Variants in SLC1A1 observed in about 807,000 individuals in gnomAD.
SLC1A1 encodes the protein solute carrier family 1 member 1, also known as excitatory amino acid transporter 3.
Under a neutral mutation model 53.3 loss-of-function variants are expected in SLC1A1, and 43 were observed. That is an observed-to-expected ratio of 0.81 (90% CI 0.63 to 1.04). The LOEUF is 1.04. Ranked by LOEUF, SLC1A1 falls within the 50% of genes least tolerant of loss-of-function variation. The pLI is 0.00. For synonymous variants in SLC1A1, 307 were observed against 243.2 expected, an observed-to-expected ratio of 1.26 and a Z score of -2.44; for missense variants, 748 against 664.9, an observed-to-expected ratio of 1.12 and a Z score of -1.37.
chr9:4,582,531 C>A (rs1032627779), intron 10 of SLC1A1, among the ~76,000 whole-genome samples: 6 of 152,216 alleles, frequency 3.9e-5, no homozygotes, highest in Admixed American at 3.9e-4. Flanking sequence ...CTACAACTAT[C>A]CTTCTGTCCA....
chr9:4,549,794 C>A lies in SLC1A1; in HGVS notation c.232+5087C>A, dbSNP rs186454008. ...CATAGACTCCATACCATAGTACCTG[C>A]TGGGTTATTGCAACCACCCTGCTTG... On this transcript the variant is annotated intron_variant, in intron 2 of 11. Transcript: ENST00000262352. The surrounding 1 kb of genome is among the most constrained non-coding windows in gnomAD (Gnocchi z 4.1). 1.2e-4 allele frequency among the ~76,000 whole-genome samples: 18 copies of A among 152,246 alleles called. No individual in the cohort carries two copies. The highest frequency in any genetic ancestry group is 2.5e-4 in the Non-Finnish European group (17 of 67,996).
intron 1 of SLC1A1, among the ~76,000 whole-genome samples, chr9:4,511,483 A>T (rs1053615113): frequency 6.6e-6 from 1 of 151,922 alleles, no homozygotes; most frequent in African/African-American, 2.4e-5. Context: ...CAAAATATGA[A>T]TTTGAAGGAG....
chr9:4,501,775 C>CAAAAA (rs1231706650), intron 1 of SLC1A1, among the ~76,000 whole-genome samples: 1 of 150,850 alleles, frequency 6.6e-6, no homozygotes, highest in Non-Finnish European at 1.5e-5. Context: ...CAAAACAAAA[C>CAAAAA]AAAACAAAAC....
chr9:4,529,323 C>T (rs574962354), intron 1 of SLC1A1, among the ~76,000 whole-genome samples: 4 of 152,198 alleles, frequency 2.6e-5, no homozygotes, highest in Admixed American at 6.5e-5. Context: ...ATGGGCCACA[C>T]TGAATTGCTT....
At chr9:4,564,480 G>A (rs897250865) in intron 4 of SLC1A1, 22 bp downstream of exon 4, 2 of 1,435,052 alleles carry the variant, frequency 1.4e-6, no homozygotes, top group African/African-American at 1.4e-5. Flanking sequence ...GCCACAAGGT[G>A]GCTTCAAGGG....
intron 10 of SLC1A1, among the ~76,000 whole-genome samples, chr9:4,581,617 T>C: frequency 6.6e-6 from 1 of 152,330 alleles, no homozygotes. Flanking sequence ...AACCTGTTGA[T>C]GCATTCCATT....
chr9:4,497,111 A>C (rs1820456414), intron 1 of SLC1A1, among the ~76,000 whole-genome samples: 1 of 151,912 alleles, frequency 6.6e-6, no homozygotes, highest in Admixed American at 6.6e-5. Flanking sequence ...ATTACCACAA[A>C]CCGGGTGGTT....
chr9:4,505,875 G>C (rs1447752150), intron 1 of SLC1A1, among the ~76,000 whole-genome samples: 2 of 152,146 alleles, frequency 1.3e-5, no homozygotes, highest in Non-Finnish European at 2.9e-5. Flanking sequence ...CCAGAATGGA[G>C]TGCAGTGGCA....
At chr9:4,559,718 T>A (rs147369676) in intron 2 of SLC1A1, 2 of 152,310 alleles carry the variant, frequency 1.3e-5, no homozygotes, top group Non-Finnish European at 2.9e-5. Flanking sequence ...GGACAACTCA[T>A]GCGTGTTGAA....
At chr9:4,532,587 T>C (rs1470961457) in intron 1 of SLC1A1, among the ~76,000 whole-genome samples, 1 of 152,170 alleles carries the variant, frequency 6.6e-6, no homozygotes, top group Non-Finnish European at 1.5e-5. Context: ...CTACATCTGA[T>C]TGTTGTACCT....
At position 4,566,042 on chromosome 9, in the gene SLC1A1, A is replaced by G; in HGVS notation, c.441-5A>G. The G allele has an allele frequency of 6.2e-7, 1 of 1,612,050 alleles. No individual in the cohort carries two copies. The highest frequency in any genetic ancestry group is 1.1e-5 in the South Asian group (1 of 91,034). On this transcript the variant is annotated splice_polypyrimidine_tract_variant and splice_region_variant and intron_variant, in intron 4 of 11. Transcript: ENST00000262352. ...ACATAATACTGCCTTTTATGTCTCC[A>G]ACAGGAATATGTTCCCTGAGAATCT...
rs777004829 is a variant in SLC1A1, at chr9:4,577,358, C to T, written c.1193+595C>T. Reference sequence around the variant, plus strand: ...ATGGCTGGCATAAAGGATACATAAACATTCCTTTATGTTTAAACGAATGAG... The same window carrying T: ...ATGGCTGGCATAAAGGATACATAAATATTCCTTTATGTTTAAACGAATGAG... On this transcript the variant is annotated intron_variant, in intron 10 of 11. Transcript: ENST00000262352. Among the ~76,000 whole-genome samples, 9 of 152,220 alleles carry T rather than the reference C, an allele frequency of 5.9e-5. 1 individual carries two copies. In the South Asian group the frequency reaches 8.3e-4, roughly 14 times the overall value.
chr9:4,577,961 G>T (rs916536229), intron 10 of SLC1A1, among the ~76,000 whole-genome samples: 13 of 152,210 alleles, frequency 8.5e-5, no homozygotes, highest in African/African-American at 2.9e-4. Context: ...GGTGAAAGGC[G>T]AGGGAATGCC....
intron 2 of SLC1A1, chr9:4,553,970 A>G (rs1486101231): frequency 6.6e-6 from 1 of 152,194 alleles, no homozygotes; most frequent in Non-Finnish European, 1.5e-5. Flanking sequence ...TGGATTAACA[A>G]AGTAAGATCA....
chr9:4,552,619 G>A (rs775703047), intron 2 of SLC1A1, among the ~76,000 whole-genome samples: 1 of 151,976 alleles, frequency 6.6e-6, no homozygotes, highest in Non-Finnish European at 1.5e-5. Context: ...CTCTACAGAG[G>A]GACACCTGAA....
chr9:4,517,157 C>T (rs889380185), intron 1 of SLC1A1, among the ~76,000 whole-genome samples: 1 of 152,140 alleles, frequency 6.6e-6, no homozygotes, highest in Non-Finnish European at 1.5e-5. Context: ...ATTTCTTCTT[C>T]CCCTGCCCCT....
At chr9:4,501,458 A>C (rs1425783176) in intron 1 of SLC1A1, among the ~76,000 whole-genome samples, 1 of 151,668 alleles carries the variant, frequency 6.6e-6, no homozygotes, top group East Asian at 1.9e-4. Flanking sequence ...TAACACTTCC[A>C]GATGTAGTTA....
intron 7 of SLC1A1, among the ~76,000 whole-genome samples, chr9:4,572,612 A>G (rs1820162991): frequency 6.6e-6 from 1 of 152,222 alleles, no homozygotes; most frequent in South Asian, 2.1e-4. Flanking sequence ...CAGTGGTGCA[A>G]TCTCGGCTCA....
chr9:4,508,551 T>C (rs1563998388), intron 1 of SLC1A1, among the ~76,000 whole-genome samples: 1 of 152,196 alleles, frequency 6.6e-6, no homozygotes, highest in Non-Finnish European at 1.5e-5. Context: ...TGAATTGTCA[T>C]GTGTACAGCA....
Sources: allele counts gnomAD v4.1 joint callset (sites outside exome capture counted in the v4.1 genomes callset), GRCh38; gene constraint gnomAD v4.1.1; non-coding constraint Gnocchi (gnomAD v3.1); transcripts MANE v1.5; gene names NCBI Gene and HGNC (gene_info 2026-07-23, HGNC 2026-07-21).